The following CAVIN2 variants were observed in gnomAD, a reference collection of about 807,000 sequenced individuals.
CAVIN2 encodes the protein caveolae associated protein 2.
In CAVIN2, 13 loss-of-function variants were observed where a neutral mutation model predicts 11.7. That is an observed-to-expected ratio of 1.11 (90% CI 0.72 to 1.77). The LOEUF (loss-of-function observed/expected upper bound fraction) is 1.77. Ranked by LOEUF, CAVIN2 falls within the 40% of genes most tolerant of loss-of-function variation. The pLI, the probability that CAVIN2 is intolerant of heterozygous loss-of-function variation, is 0.00. For missense variants in CAVIN2, 549 were observed against 542.9 expected (o/e 1.01, Z -0.11); for synonymous variants, 237 against 223.2 (o/e 1.06, Z -0.55).
intron 1 of CAVIN2, among the ~76,000 whole-genome samples, chr2:191,840,282 T>A (rs1242074683): frequency 6.6e-6 from 1 of 152,200 alleles, no homozygotes; most frequent in Non-Finnish European, 1.5e-5. Context: ...TACTTCTAGG[T>A]CTACTTAGGG....
rs1467370357 is a variant in CAVIN2, at chr2:191,836,655, C to A, written c.546G>T (p.Gly182=). The A allele has an allele frequency of 9.3e-6, 15 of 1,613,972 alleles. No homozygotes were observed. The highest frequency in any genetic ancestry group is 1.3e-5 in the Non-Finnish European group (15 of 1,179,998). ...VKQPVSGAVE[G]KEELPDENKS... ...TGTTTTCATCCGGAAGCTCCTCCTTCCCTTCCACGGCACCGGAAACGGGCT... is the reference window on the plus strand; with the variant it reads ...TGTTTTCATCCGGAAGCTCCTCCTTACCTTCCACGGCACCGGAAACGGGCT... Residue 182 remains glycine (G), a synonymous_variant, in exon 2 of 2, where the codon GGG becomes GGT. Transcript: ENST00000304141.
At chr2:191,844,579 A>T (rs894942481) in intron 1 of CAVIN2, among the ~76,000 whole-genome samples, 1 of 152,160 alleles carries the variant, frequency 6.6e-6, no homozygotes, top group African/African-American at 2.4e-5. Flanking sequence ...TTTGGTCTTG[A>T]GCACCCCTGT....
chr2:191,846,518 G>T lies in CAVIN2; in HGVS notation c.408C>A (p.Cys136Ter), dbSNP rs61735647. The change falls in exon 1 of 2, where the codon TGC (cysteine) becomes TGA (stop). Residue 136 changes from cysteine to a stop codon, truncating the protein, a stop_gained. Transcript: ENST00000304141. LOFTEE classifies it high-confidence loss of function. ...RAVKERMDRQCAQVKRLENNH... is the reference protein window; with the variant it reads ...RAVKERMDRQ ...TGTTCTCCAGCCGCTTCACCTGTGCGCACTGCCTATCCATGCGCTCTTTGA... is the reference window on the plus strand; with the variant it reads ...TGTTCTCCAGCCGCTTCACCTGTGCTCACTGCCTATCCATGCGCTCTTTGA... 14 of 1,614,262 alleles carry T rather than the reference G, an allele frequency of 8.7e-6. No individual in the cohort carries two copies. The East Asian group carries it at 2.5e-4, about 28-fold the overall frequency.
rs202211687 is a variant in CAVIN2 at position 191,846,976 on chromosome 2, G to T, written c.-51C>A. The T allele has an allele frequency of 6.5e-7, 1 of 1,544,808 alleles. No homozygotes were observed. Among genetic ancestry groups the T allele is most frequent in the Non-Finnish European group, 8.7e-7 (1 of 1,152,910 alleles). ...CTCTCTGGGAGCTGCTTCTTGCTCG[G>T]GTGAGAAGTTGCGGTGGTGAGGGTG... On this transcript the variant is annotated 5_prime_UTR_variant, in exon 1 of 2. Transcript: ENST00000304141.
Position 191,835,867 on chromosome 2 carries a change from C to T in CAVIN2, c.*56G>A. On this transcript the variant is annotated 3_prime_UTR_variant, in exon 2 of 2. Coordinates refer to ENST00000304141, the MANE Select transcript of CAVIN2 (RefSeq NM_004657.6). ...TGCTGGAGATGTGCAAGAGTTTGTT[C>T]TTCAGCCCTGGCTGCCCGCTTGAGC... 6.5e-7 allele frequency: 1 copy of T among 1,537,992 alleles called. No individual in the cohort carries two copies. Among genetic ancestry groups the T allele is most frequent in the South Asian group, 1.2e-5 (1 of 82,242 alleles).
intron 1 of CAVIN2, among the ~76,000 whole-genome samples, chr2:191,841,841 C>A (rs535756796): frequency 1.3e-5 from 2 of 152,160 alleles, no homozygotes; most frequent in Non-Finnish European, 2.9e-5. Context: ...CAGTTATTCA[C>A]TTAAAGTGCC....
chr2:191,839,988 G>T (rs1690071938), intron 1 of CAVIN2, among the ~76,000 whole-genome samples: 1 of 152,168 alleles, frequency 6.6e-6, no homozygotes, highest in South Asian at 2.1e-4. Context: ...TCTTATGGTG[G>T]TGGAAACTCA....
Position 191,836,693 on chromosome 2 carries a change from C to T in CAVIN2, c.508G>A (p.Val170Met), listed in dbSNP as rs1052484798. 19 of 1,612,732 alleles carry T rather than the reference C, an allele frequency of 1.2e-5. No individual in the cohort carries two copies. The highest frequency in any genetic ancestry group is 1.6e-5 in the Non-Finnish European group (19 of 1,179,228). Reference protein sequence around the residue: ...FQEENEIPASVFVKQPVSGAV... With the variant: ...FQEENEIPASMFVKQPVSGAV... ...CCGGAAACGGGCTGTTTCACAAACA[C>T]GCTGGCAGGGATCTCATTTTCCTCC... Residue 170 changes from valine (V) to methionine (M), a missense_variant, in exon 2 of 2, where the codon GTG becomes ATG. Transcript: ENST00000304141.
Position 191,836,412 on chromosome 2 carries a change from T to C in CAVIN2, c.789A>G (p.Val263=), listed in dbSNP as rs1690019747. 1.9e-6 allele frequency: 3 copies of C among 1,614,098 alleles called. No homozygotes were observed. The highest frequency in any genetic ancestry group is 2.5e-6 in the Non-Finnish European group (3 of 1,180,054). ...TAATCTTCTCTCTCCTCTCTACAGA[T>C]ACGATCTTTGTCCCCAGCTTGTTCA... The part of the protein sequence containing the change: ...KKMNKLGTKI[V]SVERREKIKK... Residue 263 remains valine, a synonymous_variant, in exon 2 of 2, where the codon GTA becomes GTG. Coordinates refer to ENST00000304141, the MANE Select transcript of CAVIN2 (RefSeq NM_004657.6).
At chr2:191,843,239 C>T (rs1422116969) in intron 1 of CAVIN2, among the ~76,000 whole-genome samples, 1 of 152,186 alleles carries the variant, frequency 6.6e-6, no homozygotes, top group Non-Finnish European at 1.5e-5. Context: ...CCAAAACAGA[C>T]CTGTAGATTT....
chr2:191,846,451 T>C lies in CAVIN2; in HGVS notation c.475A>G (p.Ile159Val). 1 of 1,612,244 alleles carries C rather than the reference T, an allele frequency of 6.2e-7. No homozygotes were observed. The highest frequency in any genetic ancestry group is 8.5e-7 in the Non-Finnish European group (1 of 1,178,898). ...LLRRNHFKVL[I>V]FQEENEIPAS... The stretch of plus-strand genomic sequence containing the variant: ...GCATAGGGGGAACTGACCTGGAAGA[T>C]GAGCACTTTGAAATGGTTGCGTCGG... Residue 159 changes from isoleucine (I) to valine (V), a missense_variant, in exon 1 of 2, where the codon ATC (isoleucine) becomes GTC (valine). Transcript: ENST00000304141.
rs778358175 is a variant in CAVIN2, at chr2:191,847,075, T to C, written c.-150A>G. 1,216 of 951,688 alleles carry C rather than the reference T, an allele frequency of 1.3e-3. 2 individuals carry two copies. Among genetic ancestry groups the C allele is most frequent in the Non-Finnish European group, 1.7e-3 (1,097 of 653,272 alleles). 59.0% of individuals were successfully genotyped at this position (951,688 alleles called of 1,614,324 possible). ...GGCAGAGGTTCAGACAGGCAACAAC[T>C]GGCTACGCTGATCAGGGGAACTGCA... On this transcript the variant is annotated 5_prime_UTR_variant, in exon 1 of 2. Transcript: ENST00000304141.
chr2:191,838,829 A>G (rs913023250), intron 1 of CAVIN2, among the ~76,000 whole-genome samples: 1 of 152,154 alleles, frequency 6.6e-6, no homozygotes, highest in Non-Finnish European at 1.5e-5. Context: ...ACGCCCTGAG[A>G]GTGGCTGGAA....
Position 191,835,706 on chromosome 2 carries a change from G to A in CAVIN2, c.*217C>T. 1.9e-6 allele frequency: 1 copy of A among 531,472 alleles called. No homozygotes were observed. The highest frequency in any genetic ancestry group is 3.3e-5 in the South Asian group (1 of 30,366). The allele number at this position is 531,472 out of a possible 1,614,324, so 32.9% of individuals were successfully genotyped here. Reference sequence around the variant, plus strand: ...TTCAATCTTGGAGACATTCTACAGAGATAGAACCTAAGAGCAAATTAAAAG... The same window carrying A: ...TTCAATCTTGGAGACATTCTACAGAAATAGAACCTAAGAGCAAATTAAAAG... On this transcript the variant is annotated 3_prime_UTR_variant, in exon 2 of 2. Coordinates refer to ENST00000304141, the MANE Select transcript of CAVIN2 (RefSeq NM_004657.6).
At position 191,834,325 on chromosome 2, in the gene CAVIN2, G is replaced by A. The variant is rs768363242; in HGVS notation, c.*1598C>T. The A allele has an allele frequency of 5.9e-5, 9 of 151,892 alleles. No homozygotes were observed. Among genetic ancestry groups the A allele is most frequent in the Non-Finnish European group, 1.2e-4 (8 of 67,908 alleles). The allele number at this position is 151,892 out of a possible 1,614,324, so 9.4% of individuals were successfully genotyped here. A position where few individuals can be genotyped will look rare whatever the true frequency, so the allele number is the denominator to read the frequency against. ...CATTGTTTCATGCTTTTTATTTTTC[G>A]GTTTATTTAATCTTCTTTAACACAG... On this transcript the variant is annotated 3_prime_UTR_variant, in exon 2 of 2. Transcript: ENST00000304141.
chr2:191,846,245 G>A (rs911904076), intron 1 of CAVIN2, among the ~76,000 whole-genome samples, 198 bp downstream of exon 1: 1 of 152,248 alleles, frequency 6.6e-6, no homozygotes, highest in Non-Finnish European at 1.5e-5. Context: ...GGATTAGTCT[G>A]TAGTGACCTG....
Position 191,836,175 on chromosome 2 carries a change from G to A in CAVIN2, c.1026C>T (p.Leu342=), listed in dbSNP as rs966263503. ...SFAEGHSEAS[L]ASALVEGEIA... ...TTTCCCCTTCCACCAGAGCGCTGGC[G>A]AGGGACGCTTCGGAATGACCCTCTG... Residue 342 remains leucine, a synonymous_variant, in exon 2 of 2, where the codon CTC becomes CTT. Coordinates refer to ENST00000304141, the MANE Select transcript of CAVIN2 (RefSeq NM_004657.6). 3 of 1,614,128 alleles carry A rather than the reference G, an allele frequency of 1.9e-6. No individual in the cohort carries two copies. The highest frequency in any genetic ancestry group is 1.7e-6 in the Non-Finnish European group (2 of 1,180,032).
rs1190168851 is a variant in CAVIN2, at chr2:191,836,716, T to A, written c.485A>T (p.Glu162Val). Residue 162 changes from glutamate (E) to valine (V), a missense_variant and splice_region_variant, in exon 2 of 2, where the codon GAG becomes GTG. Physicochemically the swap from Glu to Val is moderately radical, Grantham distance 121. Coordinates refer to ENST00000304141, the MANE Select transcript of CAVIN2 (RefSeq NM_004657.6). ...RNHFKVLIFQ[E>V]ENEIPASVFV... ...CACGCTGGCAGGGATCTCATTTTCCTCCTGAAAAGACGGACAATGTAGGTT... is the reference window on the plus strand; with the variant it reads ...CACGCTGGCAGGGATCTCATTTTCCACCTGAAAAGACGGACAATGTAGGTT... 1.9e-6 allele frequency: 3 copies of A among 1,610,514 alleles called. No homozygotes were observed. Among genetic ancestry groups the A allele is most frequent in the Non-Finnish European group, 2.5e-6 (3 of 1,177,996 alleles).
chr2:191,843,154 A>G (rs553737042), intron 1 of CAVIN2, among the ~76,000 whole-genome samples: 91 of 152,364 alleles, frequency 6.0e-4, no homozygotes, highest in African/African-American at 2.1e-3. Context: ...ATTGCACTCC[A>G]GCCTTGGCAA....
Sources: allele counts gnomAD v4.1 joint callset (sites outside exome capture counted in the v4.1 genomes callset), GRCh38; gene constraint gnomAD v4.1.1; transcripts MANE v1.5; gene names NCBI Gene and HGNC (gene_info 2026-07-23, HGNC 2026-07-21).